RPS6KC1: variants seen among roughly 807,000 people sequenced by gnomAD.
RPS6KC1 encodes ribosomal protein S6 kinase C1, also known as inactive ribosomal protein S6 kinase delta-1.
RPS6KC1 carries 54 observed loss-of-function variants against 103.8 expected under a neutral mutation model. That is an observed-to-expected ratio of 0.52 (90% confidence interval 0.42 to 0.65). RPS6KC1 has a LOEUF of 0.65. Among genes scored for constraint, RPS6KC1 ranks in the 30% least tolerant of loss-of-function variants. The probability of loss-of-function intolerance (pLI) is 0.00; values close to 1 mark genes in which losing one functional copy is unlikely to be tolerated. For missense variants in RPS6KC1, 1,151 were observed against 1,253.8 expected, an observed-to-expected ratio of 0.92 and a Z score of 1.24; for synonymous variants, 439 against 438.7, an observed-to-expected ratio of 1.00 and a Z score of -0.01.
the RPS6KC1 span, among the ~76,000 whole-genome samples, chr1:213,680,916 G>T: frequency 6.6e-6 from 1 of 152,194 alleles, no homozygotes; most frequent in Non-Finnish European, 1.5e-5. Flanking sequence ...AGAGCAAAGC[G>T]CTGGCAGTTA....
chr1:213,743,661 T>C, the RPS6KC1 span, among the ~76,000 whole-genome samples: 1 of 152,136 alleles, frequency 6.6e-6, no homozygotes, highest in Admixed American at 6.5e-5. Flanking sequence ...TGCCACAGCC[T>C]CTCATCTACA....
chr1:213,428,959 TC>T, the RPS6KC1 span: 1 of 153,190 alleles, frequency 6.5e-6, no homozygotes, highest in Non-Finnish European at 1.5e-5. Context: ...GGGCCACACT[TC>T]TTGAGGTCCA....
chr1:213,645,292 C>T, the RPS6KC1 span, among the ~76,000 whole-genome samples: 1 of 151,958 alleles, frequency 6.6e-6, no homozygotes, highest in African/African-American at 2.4e-5. Flanking sequence ...ATTCTATGCC[C>T]AGTGCTCTGA....
In RPS6KC1 at chr1:213,177,649, T is replaced by C. The variant is rs552591396; in HGVS notation, c.1044+1157T>C. ...TTTCTTTTTTTAAGAGCCTGAAATATTTTCATAACCGTGTTTTCTGTGGCT... is the reference window on the plus strand; with the variant it reads ...TTTCTTTTTTTAAGAGCCTGAAATACTTTCATAACCGTGTTTTCTGTGGCT... On this transcript the variant is annotated intron_variant, in intron 8 of 14. Transcript: ENST00000366960. Among the ~76,000 whole-genome samples the C allele has an allele frequency of 5.3e-5, 8 of 152,308 alleles. No homozygotes were observed. The East Asian group carries it at 1.5e-3, about 29-fold the overall frequency.
the RPS6KC1 span, among the ~76,000 whole-genome samples, chr1:213,319,811 A>G: frequency 6.6e-6 from 1 of 152,142 alleles, no homozygotes; most frequent in Non-Finnish European, 1.5e-5. Context: ...GTACCTACCC[A>G]ATATCTTTAA....
chr1:213,662,427 A>ATTTT, the RPS6KC1 span, among the ~76,000 whole-genome samples: 1 of 67,128 alleles, frequency 1.5e-5, no homozygotes, highest in Non-Finnish European at 3.0e-5. Context: ...ACACCTGGCT[A>ATTTT]ATTTTTTTTT....
At chr1:213,527,818 T>A in the RPS6KC1 span, among the ~76,000 whole-genome samples, 1 of 152,272 alleles carries the variant, frequency 6.6e-6, no homozygotes, top group African/African-American at 2.4e-5. Context: ...AGCCTACTAT[T>A]GACTAGAAAC....
intron 6 of RPS6KC1, among the ~76,000 whole-genome samples, chr1:213,151,883 T>TC (rs1441702953): frequency 1.6e-5 from 1 of 61,114 alleles, no homozygotes; most frequent in Admixed American, 1.7e-4. Flanking sequence ...GGGGGGCTGA[T>TC]CCCCCAACCT....
the RPS6KC1 span, among the ~76,000 whole-genome samples, chr1:213,744,961 C>T: frequency 1.3e-5 from 2 of 152,252 alleles, no homozygotes; most frequent in African/African-American, 4.8e-5. Flanking sequence ...TGAGGCCCTT[C>T]AAGGTGCCTC....
the RPS6KC1 span, among the ~76,000 whole-genome samples, chr1:213,458,906 A>G: frequency 0.012 from 1,754 of 152,174 alleles, 22 homozygotes; most frequent in African/African-American, 0.036. Context: ...GTGATGGATT[A>G]CGTTTGATTT....
the RPS6KC1 span, among the ~76,000 whole-genome samples, chr1:213,295,612 T>C: frequency 6.6e-6 from 1 of 152,230 alleles, no homozygotes; most frequent in Non-Finnish European, 1.5e-5. Flanking sequence ...TAAGTGAATT[T>C]TTGTTTTTCC....
At chr1:213,745,503 C>T in the RPS6KC1 span, among the ~76,000 whole-genome samples, 10 of 151,886 alleles carry the variant, frequency 6.6e-5, no homozygotes, top group South Asian at 2.1e-4. Flanking sequence ...AGGAAAATGC[C>T]GCCGGATGAT....
At chr1:213,125,525 A>G (rs190936156) in intron 5 of RPS6KC1, among the ~76,000 whole-genome samples, 134 of 152,096 alleles carry the variant, frequency 8.8e-4, no homozygotes, top group Non-Finnish European at 1.6e-3. Flanking sequence ...CGCTTTTGAT[A>G]TGCATTGGCA....
chr1:213,529,533 G>A, the RPS6KC1 span, among the ~76,000 whole-genome samples: 5 of 152,182 alleles, frequency 3.3e-5, no homozygotes, highest in African/African-American at 9.7e-5. Context: ...GAAACACAAA[G>A]ATGTTTATTG....
At chr1:213,086,547 A>G (rs1008051698) in intron 3 of RPS6KC1, among the ~76,000 whole-genome samples, 8 of 152,190 alleles carry the variant, frequency 5.3e-5, no homozygotes, top group Admixed American at 3.3e-4. Context: ...AGGCATTCCT[A>G]AGAGTTGTCT....
chr1:213,268,079 C>T (rs948522749), intron 14 of RPS6KC1, among the ~76,000 whole-genome samples: 50 of 152,034 alleles, frequency 3.3e-4, no homozygotes, highest in African/African-American at 1.2e-3. Context: ...AGAAACTCAA[C>T]AGACCCTATG....
At chr1:213,315,881 C>A in the RPS6KC1 span, among the ~76,000 whole-genome samples, 2 of 152,348 alleles carry the variant, frequency 1.3e-5, no homozygotes, top group South Asian at 2.1e-4. Flanking sequence ...GCTTAATGCC[C>A]AGCATGCATA....
intron 6 of RPS6KC1, among the ~76,000 whole-genome samples, chr1:213,163,540 T>C (rs1294408194): frequency 6.6e-6 from 1 of 152,232 alleles, no homozygotes; most frequent in Non-Finnish European, 1.5e-5. Flanking sequence ...CCAGCATGGC[T>C]TTTCTTTTGT....
chr1:213,607,867 G>A, the RPS6KC1 span, among the ~76,000 whole-genome samples: 1 of 152,176 alleles, frequency 6.6e-6, no homozygotes, highest in African/African-American at 2.4e-5. Context: ...GTATCTGGCT[G>A]GACCTGCCTG....
Sources: gnomAD v4.1 joint callset for allele counts (sites outside exome capture counted in the v4.1 genomes callset) on GRCh38, gnomAD v4.1.1 for gene constraint, MANE v1.5 for transcripts, NCBI Gene and HGNC (gene_info 2026-07-23, HGNC 2026-07-21) for gene names.